SHISA6: variants seen among roughly 807,000 people sequenced by gnomAD.
SHISA6 encodes protein shisa-6.
In SHISA6, 22 loss-of-function variants were observed where a neutral mutation model predicts 47.9. The observed-to-expected ratio is 0.46, with a 90% CI of 0.33 to 0.66. The LOEUF (loss-of-function observed/expected upper bound fraction) is 0.66. Among genes scored for constraint, SHISA6 ranks in the 30% least tolerant of loss-of-function variants. The pLI, the probability that SHISA6 is intolerant of heterozygous loss-of-function variation, is 0.02. For synonymous variants in SHISA6, 388 were observed against 337.8 expected, an observed-to-expected ratio of 1.15 and a Z score of -1.63; for missense variants, 680 against 764.6, an observed-to-expected ratio of 0.89 and a Z score of 1.30.
chr17:11,318,263 A>G (rs1051571569), intron 2 of SHISA6, among the ~76,000 whole-genome samples: 2 of 152,144 alleles, frequency 1.3e-5, no homozygotes, highest in Non-Finnish European at 2.9e-5. Flanking sequence ...GTATAATACT[A>G]ATCTCTCTTT....
rs1254018190 is a variant in SHISA6 at position 11,561,539 on chromosome 17, AG to A, written c.*3236del. 6.6e-6 allele frequency: 1 copy of A among 152,178 alleles called. No individual in the cohort carries two copies. Among genetic ancestry groups the A allele is most frequent in the Non-Finnish European group, 1.5e-5 (1 of 68,092 alleles). 9.4% of individuals were successfully genotyped at this position (152,178 alleles called of 1,614,324 possible). On this transcript the variant is annotated 3_prime_UTR_variant, in exon 6 of 6. Transcript: ENST00000441885. ...CTCAGGGCTCCCCCAGTGTCTTGGG[AG>A]TGTCTTGGGCCACACGACTGCCTCT...
chr17:11,267,085 A>G (rs186851459), intron 2 of SHISA6, among the ~76,000 whole-genome samples: 3 of 152,358 alleles, frequency 2.0e-5, no homozygotes, highest in East Asian at 3.9e-4. Context: ...CTAATCCCAC[A>G]TTAGCAGAAA....
At chr17:11,524,280 A>T (rs995987107) in intron 3 of SHISA6, among the ~76,000 whole-genome samples, 3 of 152,106 alleles carry the variant, frequency 2.0e-5, no homozygotes, top group Non-Finnish European at 4.4e-5. Flanking sequence ...AGGGAGACAG[A>T]AAACAGGTAT....
At chr17:11,266,752 A>C (rs769856067) in intron 2 of SHISA6, among the ~76,000 whole-genome samples, 2 of 152,210 alleles carry the variant, frequency 1.3e-5, no homozygotes, top group South Asian at 2.1e-4. Flanking sequence ...AAGGCAATGC[A>C]TTGGTGTCCT....
chr17:11,537,610 G>T (rs1465831445), intron 3 of SHISA6, among the ~76,000 whole-genome samples: 1 of 152,160 alleles, frequency 6.6e-6, no homozygotes, highest in Non-Finnish European at 1.5e-5. Flanking sequence ...CAGAATATCT[G>T]CCACTTTGGG....
At chr17:11,404,138 A>T (rs1255216709) in intron 3 of SHISA6, among the ~76,000 whole-genome samples, 1 of 152,274 alleles carries the variant, frequency 6.6e-6, no homozygotes, top group Non-Finnish European at 1.5e-5. Context: ...GAGACTCAGT[A>T]AAAGCTCGTG....
intron 2 of SHISA6, among the ~76,000 whole-genome samples, chr17:11,272,596 A>G (rs1908720837): frequency 6.6e-6 from 1 of 152,130 alleles, no homozygotes; most frequent in South Asian, 2.1e-4. Flanking sequence ...GTGAAGATTG[A>G]CTTAACCACC....
intron 2 of SHISA6, among the ~76,000 whole-genome samples, chr17:11,311,976 A>G (rs1261537197): frequency 6.6e-6 from 1 of 151,990 alleles, no homozygotes; most frequent in Non-Finnish European, 1.5e-5. Context: ...GGGTTTTGCC[A>G]TGTTGTCCAG....
At chr17:11,346,690 G>A (rs961100565) in intron 2 of SHISA6, among the ~76,000 whole-genome samples, 2 of 152,048 alleles carry the variant, frequency 1.3e-5, no homozygotes, top group African/African-American at 4.8e-5. Context: ...ATCTTTTGTT[G>A]TCTTGAATAA....
At chr17:11,267,322 A>G (rs1908462084) in intron 2 of SHISA6, among the ~76,000 whole-genome samples, 1 of 152,218 alleles carries the variant, frequency 6.6e-6, no homozygotes, top group Admixed American at 6.5e-5. Flanking sequence ...TTAGAAATGC[A>G]GAATCTTGGG....
At chr17:11,267,929 G>A (rs902559470) in intron 2 of SHISA6, among the ~76,000 whole-genome samples, 8 of 152,144 alleles carry the variant, frequency 5.3e-5, no homozygotes, top group South Asian at 2.1e-4. Flanking sequence ...CGTACCTAGC[G>A]TTGCAGTTCC....
At chr17:11,261,857 C>T (rs567199651) in intron 1 of SHISA6, among the ~76,000 whole-genome samples, 4 of 152,250 alleles carry the variant, frequency 2.6e-5, no homozygotes, top group East Asian at 3.9e-4. Context: ...GTTAATTCTG[C>T]GTTTAAGGAA....
chr17:11,544,917 C>T (rs1021008083), intron 3 of SHISA6, among the ~76,000 whole-genome samples: 5 of 146,828 alleles, frequency 3.4e-5, no homozygotes, highest in African/African-American at 7.6e-5. Context: ...GCCAAGATCA[C>T]GCCACTGCAC....
At chr17:11,491,922 C>A (rs1165257919) in intron 3 of SHISA6, among the ~76,000 whole-genome samples, 3 of 152,044 alleles carry the variant, frequency 2.0e-5, no homozygotes, top group Non-Finnish European at 2.9e-5. Context: ...CAGGCATGCA[C>A]CACCACACCC....
chr17:11,557,181 G>T (rs1460562811), intron 5 of SHISA6, among the ~76,000 whole-genome samples: 1 of 152,208 alleles, frequency 6.6e-6, no homozygotes, highest in Non-Finnish European at 1.5e-5. Context: ...ATGTTCCTAA[G>T]TTACCAGTTA....
At chr17:11,338,235 C>G (rs1911390601) in intron 2 of SHISA6, among the ~76,000 whole-genome samples, 1 of 152,112 alleles carries the variant, frequency 6.6e-6, no homozygotes, top group Non-Finnish European at 1.5e-5. Context: ...ATGTTGGGAG[C>G]ACTCTCCTCT....
At chr17:11,315,846 T>C (rs937137195) in intron 2 of SHISA6, among the ~76,000 whole-genome samples, 1 of 152,200 alleles carries the variant, frequency 6.6e-6, no homozygotes, top group Non-Finnish European at 1.5e-5. Context: ...GAGCCAAACA[T>C]AGAGTTCTGA....
chr17:11,499,684 T>TTTCTTTCTTTC (rs750993854), intron 3 of SHISA6, among the ~76,000 whole-genome samples: 16 of 61,164 alleles, frequency 2.6e-4, no homozygotes, highest in African/African-American at 9.6e-4. Context: ...TTTTTCTTTC[T>TTTCTTTCTTTC]TTTTTTTTTT....
chr17:11,300,870 C>A (rs1909902184), intron 2 of SHISA6, among the ~76,000 whole-genome samples: 1 of 148,240 alleles, frequency 6.7e-6, no homozygotes. Context: ...CACAGCCCCA[C>A]CCTCCCGCCC....
Sources: allele counts gnomAD v4.1 joint callset (sites outside exome capture counted in the v4.1 genomes callset), GRCh38; gene constraint gnomAD v4.1.1; transcripts MANE v1.5; gene names NCBI Gene and HGNC (gene_info 2026-07-23, HGNC 2026-07-21).